CHRM3: variants seen among roughly 807,000 people sequenced by gnomAD.
The protein encoded by CHRM3 is cholinergic receptor muscarinic 3, also known as muscarinic acetylcholine receptor M3.
Under a neutral mutation model 41.8 loss-of-function variants are expected in CHRM3, and 11 were observed. That is an observed-to-expected ratio of 0.26 (90% CI 0.17 to 0.44). The LOEUF (loss-of-function observed/expected upper bound fraction) is 0.44, where lower values mean the gene tolerates loss of function less well. Ranked by LOEUF, CHRM3 falls within the 20% of genes least tolerant of loss-of-function variation. The pLI is 1.00. For synonymous variants in CHRM3, 297 were observed against 301.4 expected, an observed-to-expected ratio of 0.99 and a Z score of 0.15; for missense variants, 571 against 745.4, an observed-to-expected ratio of 0.77 and a Z score of 2.72.
At chr1:239,821,685 C>A (rs1672065292) in intron 5 of CHRM3, among the ~76,000 whole-genome samples, 1 of 152,188 alleles carries the variant, frequency 6.6e-6, no homozygotes, top group Non-Finnish European at 1.5e-5. Context: ...TTAAATTTAG[C>A]TGGAACAGAA....
rs73127384 is a variant in CHRM3 at position 239,803,314 on chromosome 1, G to A, written c.-146-23938G>A. ...ACATTCGGAGACCACTTTCCTTAGA[G>A]CACATTCTACAGGTAAATTTAAGTA... On this transcript the variant is annotated intron_variant, in intron 5 of 6. Transcript: ENST00000676153. Among the ~76,000 whole-genome samples, 737 of 152,226 alleles carry A rather than the reference G, an allele frequency of 4.8e-3. 3 individuals are homozygous for A. The highest frequency in any genetic ancestry group is 0.017 in the African/African-American group (692 of 41,542).
intron 3 of CHRM3, among the ~76,000 whole-genome samples, chr1:239,571,843 G>A (rs1389398503): frequency 6.6e-6 from 1 of 152,110 alleles, no homozygotes; most frequent in Non-Finnish European, 1.5e-5. Flanking sequence ...AAATAGATGT[G>A]TGGGCATTTT....
intron 5 of CHRM3, among the ~76,000 whole-genome samples, chr1:239,790,012 G>A (rs768110853): frequency 6.6e-5 from 10 of 152,136 alleles, no homozygotes; most frequent in Non-Finnish European, 1.2e-4. Flanking sequence ...TGTAGCCCCC[G>A]TTTGGCGAAT....
chr1:239,648,571 T>A (rs1287859841), intron 4 of CHRM3, among the ~76,000 whole-genome samples: 1 of 152,008 alleles, frequency 6.6e-6, no homozygotes, highest in African/African-American at 2.4e-5. Flanking sequence ...GTCTGGGTAG[T>A]GGATGAGGGG....
At chr1:239,482,408 C>T (rs2148009701) in intron 1 of CHRM3, among the ~76,000 whole-genome samples, 1 of 152,330 alleles carries the variant, frequency 6.6e-6, no homozygotes, top group African/African-American at 2.4e-5. Flanking sequence ...AGCTTCTACT[C>T]TGCAAAGTCA....
chr1:239,664,373 G>C (rs1467958036), intron 4 of CHRM3, among the ~76,000 whole-genome samples: 6 of 152,170 alleles, frequency 3.9e-5, no homozygotes, highest in Admixed American at 2.0e-4. Flanking sequence ...GTGTGGCATG[G>C]TTCTTTGTGC....
At chr1:239,586,717 A>G (rs1663443965) in intron 3 of CHRM3, among the ~76,000 whole-genome samples, 1 of 152,088 alleles carries the variant, frequency 6.6e-6, no homozygotes, top group Non-Finnish European at 1.5e-5. Context: ...ACTCAGGCAA[A>G]AAAAAGTGCT....
chr1:239,727,063 A>G (rs996010917), intron 5 of CHRM3, among the ~76,000 whole-genome samples: 2 of 152,032 alleles, frequency 1.3e-5, no homozygotes, highest in African/African-American at 4.8e-5. Context: ...CATGTGTATT[A>G]TAGTGATAAT....
At chr1:239,538,951 A>G (rs769410604) in intron 2 of CHRM3, among the ~76,000 whole-genome samples, 1 of 152,202 alleles carries the variant, frequency 6.6e-6, no homozygotes, top group Non-Finnish European at 1.5e-5. Flanking sequence ...TAACTTTAGG[A>G]TTTTAACAAA....
intron 1 of CHRM3, among the ~76,000 whole-genome samples, chr1:239,399,531 T>G (rs914367747): frequency 3.3e-5 from 5 of 152,132 alleles, no homozygotes; most frequent in Admixed American, 1.3e-4. Flanking sequence ...CGCTGGAAAC[T>G]CCCATTCTAC....
At chr1:239,422,110 G>T (rs1226706174) in intron 1 of CHRM3, among the ~76,000 whole-genome samples, 1 of 152,146 alleles carries the variant, frequency 6.6e-6, no homozygotes, top group Non-Finnish European at 1.5e-5. Flanking sequence ...AAGAAAAAGG[G>T]AAAGTTTATC....
rs563020149 is a variant in CHRM3, at chr1:239,817,250, G to A, written c.-146-10002G>A. ...GGCTCTGAGGCTGTCCTGGAGCTCT[G>A]GAGACTAAAAGAGTAATTTTGAAGT... On this transcript the variant is annotated intron_variant, in intron 5 of 6. Coordinates refer to ENST00000676153, the MANE Select transcript of CHRM3 (RefSeq NM_001375978.1). Among the ~76,000 whole-genome samples, 99 of 152,264 alleles carry A rather than the reference G, an allele frequency of 6.5e-4. 1 individual carries two copies. The South Asian group carries it at 0.013, about 20-fold the overall frequency.
intron 1 of CHRM3, among the ~76,000 whole-genome samples, chr1:239,414,578 CG>C (rs979367148): frequency 6.6e-5 from 10 of 152,200 alleles, no homozygotes; most frequent in African/African-American, 2.4e-4. Context: ...TATTTTCAAT[CG>C]GGTAATGTAC....
At chr1:239,480,670 C>T (rs1437666971) in intron 1 of CHRM3, among the ~76,000 whole-genome samples, 4 of 150,374 alleles carry the variant, frequency 2.7e-5, no homozygotes, top group African/African-American at 9.9e-5. Flanking sequence ...CGTTCTCCTG[C>T]TTCAGCCTCC....
chr1:239,489,215 C>A (rs1046421354), intron 1 of CHRM3, among the ~76,000 whole-genome samples: 4 of 152,084 alleles, frequency 2.6e-5, no homozygotes, highest in Non-Finnish European at 5.9e-5. Flanking sequence ...AGTTCGAAAC[C>A]AGCCTGACCA....
chr1:239,820,257 ACTT>A (rs1376824596), intron 5 of CHRM3, among the ~76,000 whole-genome samples: 1 of 152,104 alleles, frequency 6.6e-6, no homozygotes, highest in African/African-American at 2.4e-5. Flanking sequence ...TATACATACT[ACTT>A]CTTAGGGAAA....
chr1:239,396,487 CCTG>C (rs1350363589), intron 1 of CHRM3, among the ~76,000 whole-genome samples: 1 of 152,026 alleles, frequency 6.6e-6, no homozygotes, highest in Admixed American at 6.6e-5. Flanking sequence ...TGTGCACCTG[CCTG>C]TAGTCTCAGC....
chr1:239,816,544 A>T (rs1671601213), intron 5 of CHRM3, among the ~76,000 whole-genome samples: 1 of 152,070 alleles, frequency 6.6e-6, no homozygotes, highest in South Asian at 2.1e-4. Flanking sequence ...CAAGCTCAGA[A>T]TGTTGCTCCC....
chr1:239,777,577 AC>A (rs1209944181), intron 5 of CHRM3, among the ~76,000 whole-genome samples: 2 of 152,196 alleles, frequency 1.3e-5, no homozygotes, highest in African/African-American at 4.8e-5. Context: ...TGAGCCAGGA[AC>A]AAAGTTTCTA....
Sources: gnomAD v4.1 joint callset for allele counts (sites outside exome capture counted in the v4.1 genomes callset) on GRCh38, gnomAD v4.1.1 for gene constraint, MANE v1.5 for transcripts, NCBI Gene and HGNC (gene_info 2026-07-23, HGNC 2026-07-21) for gene names.